Variants in METTL4 observed in about 807,000 individuals in gnomAD.
The protein encoded by METTL4 is N(6)-adenine-specific methyltransferase METTL4.
METTL4 carries 40 observed loss-of-function variants against 54.0 expected under a neutral mutation model. The ratio of observed to expected loss-of-function variants is 0.74; its 90% CI spans 0.58 to 0.96. METTL4 has a LOEUF of 0.96. Ranked by LOEUF, METTL4 falls within the 50% of genes least tolerant of loss-of-function variation. METTL4 has a pLI of 0.00. For synonymous variants in METTL4, 169 were observed against 183.8 expected (o/e 0.92, Z 0.65); for missense variants, 525 against 549.0 (o/e 0.96, Z 0.44).
intron 2 of METTL4, among the ~76,000 whole-genome samples, chr18:2,564,837 T>C (rs2072377803): frequency 6.6e-6 from 1 of 152,244 alleles, no homozygotes. Context: ...TAAAAATTAA[T>C]GCCCATACCC....
At chr18:2,543,269 A>G (rs1598341825) in intron 8 of METTL4, among the ~76,000 whole-genome samples, 1 of 152,198 alleles carries the variant, frequency 6.6e-6, no homozygotes, top group African/African-American at 2.4e-5. Context: ...GCAAGGTAAC[A>G]TAAGCTCCTG....
chr18:2,547,236 C>A, intron 6 of METTL4, 119 bp downstream of exon 6: 1 of 719,224 alleles, frequency 1.4e-6, no homozygotes, highest in Non-Finnish European at 2.0e-6. Context: ...AAGCAAAAGT[C>A]TGAATTAGCC....
At chr18:2,559,577 A>T (rs2072286192) in intron 3 of METTL4, among the ~76,000 whole-genome samples, 1 of 152,168 alleles carries the variant, frequency 6.6e-6, no homozygotes, top group African/African-American at 2.4e-5. Flanking sequence ...ATTTTATGAT[A>T]CGTATATTTT....
intron 1 of METTL4, among the ~76,000 whole-genome samples, chr18:2,569,411 T>G (rs1300479249): frequency 6.6e-6 from 1 of 152,346 alleles, no homozygotes; most frequent in South Asian, 2.1e-4. Context: ...CTAATTCAAC[T>G]GTGGAAAGAC....
At chr18:2,558,040 G>A (rs1484241246) in intron 3 of METTL4, among the ~76,000 whole-genome samples, 1 of 152,152 alleles carries the variant, frequency 6.6e-6, no homozygotes, top group Non-Finnish European at 1.5e-5. Flanking sequence ...AGACACAGAA[G>A]TTCTGAAAAA....
At chr18:2,569,413 T>C (rs927699129) in intron 1 of METTL4, among the ~76,000 whole-genome samples, 1 of 152,182 alleles carries the variant, frequency 6.6e-6, no homozygotes, top group Non-Finnish European at 1.5e-5. Flanking sequence ...AATTCAACTG[T>C]GGAAAGACCA....
intron 3 of METTL4, among the ~76,000 whole-genome samples, chr18:2,558,996 G>T (rs895636950): frequency 6.6e-6 from 1 of 152,182 alleles, no homozygotes; most frequent in African/African-American, 2.4e-5. Context: ...AGAAACTGGA[G>T]CCCTTGGGTA....
At chr18:2,560,325 G>A (rs1437302634) in intron 3 of METTL4, among the ~76,000 whole-genome samples, 1 of 152,150 alleles carries the variant, frequency 6.6e-6, no homozygotes, top group Non-Finnish European at 1.5e-5. Flanking sequence ...AACACACTGA[G>A]ATGGTTACAA....
intron 5 of METTL4, among the ~76,000 whole-genome samples, chr18:2,548,543 A>C (rs1449155741): frequency 6.6e-6 from 1 of 152,196 alleles, no homozygotes; most frequent in Non-Finnish European, 1.5e-5. Flanking sequence ...TCAAAGCACA[A>C]TCCATATAAT....
intron 2 of METTL4, among the ~76,000 whole-genome samples, chr18:2,565,949 A>G (rs1285345405): frequency 6.6e-6 from 1 of 151,990 alleles, no homozygotes; most frequent in East Asian, 1.9e-4. Context: ...CGGGAGGCTG[A>G]GGCAGGAGAA....
At position 2,544,777 on chromosome 18, in the gene METTL4, A is replaced by G. The variant is rs774529075; in HGVS notation, c.1075-18T>C. 1.9e-6 allele frequency: 3 copies of G among 1,543,310 alleles called. No individual in the cohort carries two copies. Among genetic ancestry groups the G allele is most frequent in the East Asian group, 4.5e-5 (2 of 44,402 alleles). ...TTGGTTATCTGATAGGAAGGAGCCA[A>G]CAAAAGAGGGTTATTTTTTCCCATC... is the stretch of plus-strand genomic sequence containing the variant. On this transcript the variant is annotated intron_variant, in intron 6 of 8. Coordinates refer to ENST00000574538, the MANE Select transcript of METTL4 (RefSeq NM_022840.5).
chr18:2,549,105 G>A (rs894242334), intron 5 of METTL4, among the ~76,000 whole-genome samples: 46 of 151,974 alleles, frequency 3.0e-4, no homozygotes, highest in African/African-American at 1.1e-3. Flanking sequence ...ACTAAAGGCC[G>A]CCAACCTCCC....
chr18:2,554,484 T>G, intron 4 of METTL4, 185 bp downstream of exon 4: 1 of 553,958 alleles, frequency 1.8e-6, no homozygotes, highest in East Asian at 3.1e-5. Flanking sequence ...TTCACAATAT[T>G]TATTTTTTTA....
At chr18:2,563,365 G>A (rs2072350858) in intron 3 of METTL4, among the ~76,000 whole-genome samples, 1 of 152,136 alleles carries the variant, frequency 6.6e-6, no homozygotes, top group Non-Finnish European at 1.5e-5. Context: ...GGCTGAGGCT[G>A]GCGGATGGCC....
chr18:2,563,918 C>A, intron 2 of METTL4, 59 bp from the exon 3 acceptor site: 2 of 1,065,070 alleles, frequency 1.9e-6, no homozygotes, highest in East Asian at 2.4e-5. Context: ...TTTGCTTTTT[C>A]ATTATAACAT....
intron 2 of METTL4, among the ~76,000 whole-genome samples, chr18:2,566,269 T>C (rs1257082292): frequency 1.3e-5 from 2 of 152,054 alleles, no homozygotes; most frequent in African/African-American, 4.8e-5. Context: ...AGTGTGAATA[T>C]ACAAATACAT....
intron 4 of METTL4, 93 bp from the exon 5 acceptor site, chr18:2,552,857 C>T (rs1191170837): frequency 2.4e-5 from 18 of 760,554 alleles, no homozygotes; most frequent in Non-Finnish European, 2.5e-5. Flanking sequence ...GATTTCACTA[C>T]GGACACGAAT....
At chr18:2,548,691 T>C (rs1252209200) in intron 5 of METTL4, among the ~76,000 whole-genome samples, 1 of 152,210 alleles carries the variant, frequency 6.6e-6, no homozygotes, top group Non-Finnish European at 1.5e-5. Flanking sequence ...CATCAATCTC[T>C]GGCAATAACA....
At chr18:2,556,256 C>T (rs1054609439) in intron 3 of METTL4, among the ~76,000 whole-genome samples, 2 of 151,828 alleles carry the variant, frequency 1.3e-5, no homozygotes, top group African/African-American at 4.8e-5. Context: ...TCATAACTCA[C>T]AGAACATCAG....
Sources: allele counts gnomAD v4.1 joint callset (sites outside exome capture counted in the v4.1 genomes callset), GRCh38; gene constraint gnomAD v4.1.1; transcripts MANE v1.5; gene names NCBI Gene and HGNC (gene_info 2026-07-23, HGNC 2026-07-21).